The following FCAR variants were observed in gnomAD, a reference collection of about 807,000 sequenced individuals.
FCAR encodes Fc alpha receptor.
In FCAR, 21 loss-of-function variants were observed where a neutral mutation model predicts 27.1. The ratio of observed to expected loss-of-function variants is 0.77; its 90% CI spans 0.55 to 1.11. The LOEUF (loss-of-function observed/expected upper bound fraction) is 1.11. FCAR is among the 50% of genes most tolerant of loss of function. FCAR has a pLI of 0.00. For synonymous variants in FCAR, 134 were observed against 135.8 expected, an observed-to-expected ratio of 0.99 and a Z score of 0.09; for missense variants, 404 against 358.4, an observed-to-expected ratio of 1.13 and a Z score of -1.03.
At chr19:54,882,774 G>T (rs1289238560) in intron 2 of FCAR, among the ~76,000 whole-genome samples, 3 of 152,088 alleles carry the variant, frequency 2.0e-5, no homozygotes, top group Admixed American at 1.3e-4. Context: ...GAGGGCTGGT[G>T]TTCCTTTAAC....
intron 4 of FCAR, chr19:54,888,522 G>T: frequency 7.3e-7 from 1 of 1,372,538 alleles, no homozygotes; most frequent in Non-Finnish European, 9.4e-7. Context: ...GAACAGAAGG[G>T]CTAACTCAGT....
intron 2 of FCAR, among the ~76,000 whole-genome samples, chr19:54,881,768 AGGAG>A (rs2066428864): frequency 6.6e-6 from 1 of 152,158 alleles, no homozygotes; most frequent in African/African-American, 2.4e-5. Flanking sequence ...GCTACTCGGG[AGGAG>A]GATGAGGCTG....
At position 54,885,288 on chromosome 19, in the gene FCAR, G is replaced by A. The variant is rs761188840; in HGVS notation, c.124G>A (p.Asp42Asn). Residue 42 changes from aspartate to asparagine, a missense_variant, in exon 3 of 5, where the codon GAT becomes AAT. Coordinates refer to ENST00000355524, the MANE Select transcript of FCAR (RefSeq NM_002000.4). ...SAKSSPVIPL[D>N]GSVKIQCQAI... is the part of the protein sequence containing the mutation. ...CAAATCGAGTCCTGTGATTCCCTTG[G>A]ATGGATCTGTGAAAATCCAGTGCCA... 6.2e-7 allele frequency: 1 copy of A among 1,613,780 alleles called. No individual in the cohort carries two copies. The highest frequency in any genetic ancestry group is 8.5e-7 in the Non-Finnish European group (1 of 1,179,946).
chr19:54,883,341 G>A (rs1033907148), intron 2 of FCAR, among the ~76,000 whole-genome samples: 3 of 152,006 alleles, frequency 2.0e-5, no homozygotes, highest in African/African-American at 7.3e-5. Flanking sequence ...TGACTCCCTC[G>A]CCTGGTCCAT....
At chr19:54,882,491 A>G (rs1403120652) in intron 2 of FCAR, among the ~76,000 whole-genome samples, 1 of 148,960 alleles carries the variant, frequency 6.7e-6, no homozygotes, top group Non-Finnish European at 1.5e-5. Flanking sequence ...GCTGGAGTGC[A>G]GTGGCACGAT....
rs776384079 is a variant in FCAR, at chr19:54,889,779, G to A, written c.780G>A (p.Ser260=). 8.7e-6 allele frequency: 14 copies of A among 1,613,502 alleles called. No individual in the cohort carries two copies. In the Middle Eastern group the frequency reaches 4.9e-4, roughly 57 times the overall value. Residue 260 remains serine (S), a synonymous_variant, in exon 5 of 5, where the codon TCG becomes TCA. Coordinates refer to ENST00000355524, the MANE Select transcript of FCAR (RefSeq NM_002000.4). ...ATACGGCACTGAACAAGGAAGCCTC[G>A]GCAGATGTGGCTGAACCGAGCTGGA... The part of the protein sequence containing the change: ...HSHTALNKEA[S]ADVAEPSWSQ...
At chr19:54,886,683 C>T (rs1374033711) in intron 3 of FCAR, among the ~76,000 whole-genome samples, 1 of 152,084 alleles carries the variant, frequency 6.6e-6, no homozygotes, top group Non-Finnish European at 1.5e-5. Context: ...CGTGAGCCAC[C>T]GTGCCCGGCA....
rs558111089 is a variant in FCAR at position 54,874,377 on chromosome 19, A to T, written c.34+54A>T. On this transcript the variant is annotated intron_variant, in intron 1 of 4. Transcript: ENST00000355524. ...GGGGAAGATAGAGAAATCCCAAAAT[A>T]ATCAGGGTGTCTCTTAACAGTGTGA... 1,024 of 1,550,560 alleles carry T rather than the reference A, an allele frequency of 6.6e-4. 13 individuals are homozygous for T. In the South Asian group the frequency reaches 0.011, roughly 16 times the overall value.
chr19:54,881,884 TAAATAAATAAATAAATAA>T (rs2066439442), intron 2 of FCAR, among the ~76,000 whole-genome samples: 1 of 4,852 alleles, frequency 2.1e-4, no homozygotes, highest in Non-Finnish European at 3.9e-4. Context: ...CCGTCTCAAA[TAAATAAATAAATAAATAA>T]ATAAATAAAT....
At chr19:54,875,598 T>C (rs2066050149) in intron 2 of FCAR, among the ~76,000 whole-genome samples, 2 of 152,242 alleles carry the variant, frequency 1.3e-5, no homozygotes, top group South Asian at 4.1e-4. Flanking sequence ...AGACTGTCCA[T>C]GAAGGATCTG....
chr19:54,889,668 C>A lies in FCAR; in HGVS notation c.669C>A (p.Tyr223Ter). The A allele has an allele frequency of 3.7e-6, 6 of 1,614,018 alleles. No individual in the cohort carries two copies. The highest frequency in any genetic ancestry group is 5.1e-6 in the Non-Finnish European group (6 of 1,179,906). Residue 223 changes from tyrosine (Y) to a stop codon, truncating the protein, a stop_gained, in exon 5 of 5, where the codon TAC (tyrosine) becomes TAA (stop). Coordinates refer to ENST00000355524, the MANE Select transcript of FCAR (RefSeq NM_002000.4). LOFTEE classifies it high-confidence loss of function. ...LVVTDSIHQD[Y>*]TTQNLIRMAV... ...CTCCAGACTCCATCCACCAAGATTACACGACGCAGAACTTGATCCGCATGG... is the reference window on the plus strand; with the variant it reads ...CTCCAGACTCCATCCACCAAGATTAAACGACGCAGAACTTGATCCGCATGG...
intron 2 of FCAR, among the ~76,000 whole-genome samples, chr19:54,877,286 T>C (rs1383285808): frequency 6.6e-6 from 1 of 152,192 alleles, no homozygotes; most frequent in African/African-American, 2.4e-5. Flanking sequence ...AGCTCATTAT[T>C]GGTCTGTTCA....
At chr19:54,878,108 G>T (rs921511488) in intron 2 of FCAR, among the ~76,000 whole-genome samples, 1 of 152,026 alleles carries the variant, frequency 6.6e-6, no homozygotes, top group East Asian at 1.9e-4. Flanking sequence ...TAGTAAAGAC[G>T]GGGTTTCACT....
intron 4 of FCAR, 182 bp downstream of exon 4, chr19:54,888,476 C>A: frequency 7.0e-7 from 1 of 1,425,384 alleles, no homozygotes; most frequent in Non-Finnish European, 9.1e-7. Flanking sequence ...CGCTAGAGTT[C>A]TCCAGACAGG....
chr19:54,882,407 A>T (rs587640448), intron 2 of FCAR, among the ~76,000 whole-genome samples: 1 of 151,254 alleles, frequency 6.6e-6, no homozygotes, highest in East Asian at 1.9e-4. Flanking sequence ...GAGTTGCCAG[A>T]GTTCTTGTGT....
intron 2 of FCAR, among the ~76,000 whole-genome samples, chr19:54,878,035 C>T (rs1479575403): frequency 6.6e-6 from 1 of 151,870 alleles, no homozygotes; most frequent in Non-Finnish European, 1.5e-5. Context: ...CCTGCCTCAG[C>T]CTCCTGAGTA....
rs924228928 is a variant in FCAR, at chr19:54,890,190, G to C, written c.*327G>C. On this transcript the variant is annotated 3_prime_UTR_variant, in exon 5 of 5. Coordinates refer to ENST00000355524, the MANE Select transcript of FCAR (RefSeq NM_002000.4). ...GCTGGTCTCGAACTCCTGACCTCAG[G>C]TGATCCACCCACCTTGGCCTCCCAA... 1.5e-5 allele frequency: 5 copies of C among 342,684 alleles called. No homozygotes were observed. The highest frequency in any genetic ancestry group is 9.0e-5 in the Admixed American group (2 of 22,324). 21.2% of individuals were successfully genotyped at this position (342,684 alleles called of 1,614,324 possible). A position where few individuals can be genotyped will look rare whatever the true frequency, so the allele number is the denominator to read the frequency against.
intron 3 of FCAR, among the ~76,000 whole-genome samples, chr19:54,887,514 G>A (rs587658341): frequency 4.3e-4 from 65 of 151,816 alleles, no homozygotes; most frequent in African/African-American, 1.3e-3. Context: ...CCAGCTACTC[G>A]GGAGGCTGAG....
chr19:54,877,103 G>T (rs2066141781), intron 2 of FCAR, among the ~76,000 whole-genome samples: 1 of 152,198 alleles, frequency 6.6e-6, no homozygotes, highest in Non-Finnish European at 1.5e-5. Context: ...TCAAGATGAT[G>T]CTGGTCTCAT....
Sources: gnomAD v4.1 joint callset for allele counts (sites outside exome capture counted in the v4.1 genomes callset) on GRCh38, gnomAD v4.1.1 for gene constraint, MANE v1.5 for transcripts, NCBI Gene and HGNC (gene_info 2026-07-23, HGNC 2026-07-21) for gene names.